The following BBX variants were observed in gnomAD, a reference collection of about 807,000 sequenced individuals.
BBX encodes the protein BBX high mobility group box domain containing, also known as HMG box transcription factor BBX.
Under a neutral mutation model 100.2 loss-of-function variants are expected in BBX, and 30 were observed. The ratio of observed to expected loss-of-function variants is 0.30; its 90% confidence interval spans 0.22 to 0.41. The LOEUF (loss-of-function observed/expected upper bound fraction) is 0.41, where lower values mean the gene tolerates loss of function less well. Among genes scored for constraint, BBX ranks in the 10% least tolerant of loss-of-function variants. The pLI is 1.00. For missense variants in BBX, 1,023 were observed against 1,129.8 expected (o/e 0.91, Z 1.35); for synonymous variants, 376 against 388.1 (o/e 0.97, Z 0.37).
intron 3 of BBX, among the ~76,000 whole-genome samples, chr3:107,702,081 G>A (rs1043837660): frequency 6.6e-6 from 1 of 152,212 alleles, no homozygotes; most frequent in African/African-American, 2.4e-5. Context: ...GGACCAACCT[G>A]AGATTGAAAA....
intron 2 of BBX, among the ~76,000 whole-genome samples, chr3:107,537,664 C>T (rs924501310): frequency 5.3e-5 from 8 of 152,154 alleles, no homozygotes; most frequent in African/African-American, 1.9e-4. Context: ...CTTGGTCAGT[C>T]TTCTCTTTTA....
At chr3:107,723,174 A>C (rs990851584) in intron 5 of BBX, among the ~76,000 whole-genome samples, 1 of 151,978 alleles carries the variant, frequency 6.6e-6, no homozygotes, top group Admixed American at 6.6e-5. Context: ...TCCTGACTGA[A>C]TCTCACTAGG....
chr3:107,607,600 G>A (rs2054545956), intron 2 of BBX, among the ~76,000 whole-genome samples: 1 of 152,104 alleles, frequency 6.6e-6, no homozygotes, highest in African/African-American at 2.4e-5. Flanking sequence ...TAGATTATGT[G>A]GTAGCTCTAT....
chr3:107,626,137 C>A (rs1411544286), intron 2 of BBX, among the ~76,000 whole-genome samples: 2 of 152,064 alleles, frequency 1.3e-5, no homozygotes, highest in African/African-American at 4.8e-5. Flanking sequence ...TAAAGTTTTT[C>A]TAAAAGTTTA....
intron 9 of BBX, among the ~76,000 whole-genome samples, chr3:107,751,497 G>A (rs2065074871): frequency 6.6e-6 from 1 of 152,032 alleles, no homozygotes; most frequent in Non-Finnish European, 1.5e-5. Context: ...GTAAACCCTG[G>A]TGATTTCTTT....
At chr3:107,617,634 A>G (rs750556025) in intron 2 of BBX, among the ~76,000 whole-genome samples, 4 of 152,060 alleles carry the variant, frequency 2.6e-5, no homozygotes, top group Non-Finnish European at 5.9e-5. Flanking sequence ...TATTTCAGCT[A>G]TTGTAATCTT....
At chr3:107,725,776 A>G (rs1266390072) in intron 5 of BBX, among the ~76,000 whole-genome samples, 3 of 152,036 alleles carry the variant, frequency 2.0e-5, no homozygotes, top group Non-Finnish European at 4.4e-5. Flanking sequence ...TAAGTCAGGA[A>G]CTATGTGTCT....
chr3:107,702,212 A>C (rs950739554), intron 3 of BBX, among the ~76,000 whole-genome samples: 4 of 152,242 alleles, frequency 2.6e-5, no homozygotes, highest in African/African-American at 9.6e-5. Context: ...AAACTATAAG[A>C]GAGCCAGTGA....
rs942140743 is a variant in BBX at position 107,806,039 on chromosome 3, T to C, written c.*582T>C. ...GCCTGGGCAGGCAGATGTACCATTG[T>C]TAGTGGTGTATGCTCGGCCTCGTGG... On this transcript the variant is annotated 3_prime_UTR_variant, in exon 18 of 18. Transcript: ENST00000325805. The C allele has an allele frequency of 6.6e-6, 1 of 152,066 alleles. No homozygotes were observed. The highest frequency in any genetic ancestry group is 2.4e-5 in the African/African-American group (1 of 41,362). The allele number at this position is 152,066 out of a possible 1,614,324, so 9.4% of individuals were successfully genotyped here.
intron 2 of BBX, among the ~76,000 whole-genome samples, chr3:107,618,741 C>G (rs575331608): frequency 6.6e-6 from 1 of 151,724 alleles, no homozygotes; most frequent in Non-Finnish European, 1.5e-5. Flanking sequence ...ATTTTATGCC[C>G]TTGTGACTAG....
chr3:107,744,344 C>T lies in BBX; in HGVS notation c.670-286C>T, dbSNP rs74642366. Among the ~76,000 whole-genome samples, 330 of 152,222 alleles carry T rather than the reference C, an allele frequency of 2.2e-3. 1 individual carries two copies. Among genetic ancestry groups the T allele is most frequent in the African/African-American group, 5.7e-3 (237 of 41,548 alleles). On this transcript the variant is annotated intron_variant, in intron 7 of 17. Coordinates refer to ENST00000325805, the MANE Select transcript of BBX (RefSeq NM_001142568.3). ...TCTTTGAAAAGTGAGAGGTTTAGAT[C>T]ACAGGAATAATGAAATCCTTCCCTC...
chr3:107,766,614 G>T (rs2066414897), intron 10 of BBX, among the ~76,000 whole-genome samples: 1 of 152,006 alleles, frequency 6.6e-6, no homozygotes. Flanking sequence ...AAAGATAATT[G>T]TATATTAAAT....
intron 13 of BBX, among the ~76,000 whole-genome samples, chr3:107,783,591 A>G (rs567808419): frequency 2.6e-5 from 4 of 152,178 alleles, no homozygotes; most frequent in African/African-American, 9.6e-5. Context: ...ATTTTCCTAC[A>G]GGTAAATCAC....
chr3:107,607,467 C>T (rs1336727386), intron 2 of BBX, among the ~76,000 whole-genome samples: 1 of 152,148 alleles, frequency 6.6e-6, no homozygotes, highest in African/African-American at 2.4e-5. Context: ...TTGATGGACA[C>T]TTAGGTTGCT....
At chr3:107,701,889 C>G (rs1164755109) in intron 3 of BBX, among the ~76,000 whole-genome samples, 1 of 151,956 alleles carries the variant, frequency 6.6e-6, no homozygotes, top group South Asian at 2.1e-4. Context: ...GATATAATCT[C>G]TTAGCTCTGG....
chr3:107,751,679 G>T (rs2065089717), intron 9 of BBX, among the ~76,000 whole-genome samples: 1 of 152,084 alleles, frequency 6.6e-6, no homozygotes, highest in Admixed American at 6.6e-5. Context: ...GTTTGTAGGT[G>T]CCTCATAAAT....
At chr3:107,601,884 C>T (rs949968096) in intron 2 of BBX, among the ~76,000 whole-genome samples, 1 of 152,168 alleles carries the variant, frequency 6.6e-6, no homozygotes, top group East Asian at 1.9e-4. Context: ...GAAGTCAATG[C>T]CTAGCTTCAA....
intron 2 of BBX, among the ~76,000 whole-genome samples, chr3:107,571,493 G>A (rs1464759842): frequency 1.3e-5 from 2 of 152,212 alleles, no homozygotes; most frequent in African/African-American, 4.8e-5. Flanking sequence ...AGGACAGGGA[G>A]ATTGAAGGGT....
intron 2 of BBX, among the ~76,000 whole-genome samples, chr3:107,551,179 G>A (rs1246928423): frequency 1.3e-5 from 2 of 152,090 alleles, no homozygotes; most frequent in African/African-American, 4.8e-5. Context: ...TGGACCCTTT[G>A]TATATTCTGT....
Sources: gnomAD v4.1 joint callset for allele counts (sites outside exome capture counted in the v4.1 genomes callset) on GRCh38, gnomAD v4.1.1 for gene constraint, MANE v1.5 for transcripts, NCBI Gene and HGNC (gene_info 2026-07-23, HGNC 2026-07-21) for gene names.